Variants in COMMD1 observed in about 807,000 individuals in gnomAD.
COMMD1 encodes COMM domain-containing protein 1.
A neutral mutation model predicts 17.2 loss-of-function variants in COMMD1; 10 were observed. The ratio of observed to expected loss-of-function variants is 0.58; its 90% CI spans 0.36 to 0.99. COMMD1 has a LOEUF of 0.99. COMMD1 is among the 50% of genes least tolerant of loss of function. The pLI is 0.01. For missense variants in COMMD1, 270 were observed against 231.8 expected, an observed-to-expected ratio of 1.17 and a Z score of -1.07; for synonymous variants, 97 against 91.6, an observed-to-expected ratio of 1.06 and a Z score of -0.34.
Position 62,034,088 on chromosome 2 carries a change from C to CAA in COMMD1, c.462+33128_462+33129dup, listed in dbSNP as rs34439318. Among the ~76,000 whole-genome samples, 422 of 61,680 alleles carry CAA rather than the reference C, an allele frequency of 6.8e-3. 4 individuals are homozygous for CAA. Among genetic ancestry groups the CAA allele is most frequent in the African/African-American group, 0.01 (192 of 19,056 alleles). 40.5% of individuals were successfully genotyped at this position (61,680 alleles called of 152,430 possible). A position where few individuals can be genotyped will look rare whatever the true frequency, so the allele number is the denominator to read the frequency against. On this transcript the variant is annotated intron_variant, in intron 2 of 2. Transcript: ENST00000311832. ...TCAGCAACAGAGCAAGACCCTGTCTCAAAAAAAAAAAAAAAAAAAAAAAGA... is the reference window on the plus strand; with the variant it reads ...TCAGCAACAGAGCAAGACCCTGTCTCAAAAAAAAAAAAAAAAAAAAAAAAAGA...
At chr2:61,892,814 A>G (rs1362641166) in intron 1 of COMMD1, among the ~76,000 whole-genome samples, 1 of 151,642 alleles carries the variant, frequency 6.6e-6, no homozygotes, top group South Asian at 2.1e-4. Context: ...GCATTAGTTT[A>G]TTATCGAGAC....
chr2:61,989,970 G>T (rs866026618), intron 1 of COMMD1, among the ~76,000 whole-genome samples: 5 of 152,128 alleles, frequency 3.3e-5, no homozygotes, highest in African/African-American at 1.2e-4. Flanking sequence ...AAAGACCCCC[G>T]TCCCAGATTT....
intron 1 of COMMD1, among the ~76,000 whole-genome samples, chr2:61,914,720 T>G (rs1411760249): frequency 6.6e-6 from 1 of 152,064 alleles, no homozygotes; most frequent in Non-Finnish European, 1.5e-5. Context: ...AAACAGAGTC[T>G]CACTCTGTTG....
chr2:62,128,197 A>G (rs1381610791), intron 2 of COMMD1, among the ~76,000 whole-genome samples: 1 of 151,812 alleles, frequency 6.6e-6, no homozygotes, highest in Non-Finnish European at 1.5e-5. Context: ...GCATGTTGGC[A>G]TGCGCCTGTA....
chr2:61,987,198 G>T (rs887824738), intron 1 of COMMD1, among the ~76,000 whole-genome samples: 7 of 152,070 alleles, frequency 4.6e-5, no homozygotes, highest in African/African-American at 1.7e-4. Context: ...GCTTTATTTA[G>T]TTCATTTTGG....
chr2:62,104,647 A>AC (rs1360886630), intron 2 of COMMD1, among the ~76,000 whole-genome samples: 4 of 151,486 alleles, frequency 2.6e-5, no homozygotes, highest in African/African-American at 7.3e-5. Context: ...AAAAAAAAAA[A>AC]AAAAAAACAA....
intron 2 of COMMD1, among the ~76,000 whole-genome samples, chr2:62,038,380 A>T (rs1670098581): frequency 6.6e-6 from 1 of 152,206 alleles, no homozygotes; most frequent in Admixed American, 6.5e-5. Flanking sequence ...TGTTAATAAT[A>T]GCAGCAATAC....
chr2:61,994,611 G>C (rs1668699216), intron 1 of COMMD1, among the ~76,000 whole-genome samples: 1 of 152,008 alleles, frequency 6.6e-6, no homozygotes, highest in African/African-American at 2.4e-5. Flanking sequence ...ATAGTTGATG[G>C]AATTTTGGGT....
At chr2:62,121,136 G>A (rs1343058676) in intron 2 of COMMD1, among the ~76,000 whole-genome samples, 2 of 151,808 alleles carry the variant, frequency 1.3e-5, no homozygotes, top group African/African-American at 2.4e-5. Context: ...TTGGGAGGCC[G>A]AGGCAGGCAG....
At chr2:61,924,785 C>T (rs77437953) in intron 1 of COMMD1, among the ~76,000 whole-genome samples, 151 of 152,198 alleles carry the variant, frequency 9.9e-4, no homozygotes, top group East Asian at 9.1e-3. Context: ...GATCTCTGAA[C>T]GGAGGCCGAG....
At chr2:62,127,506 A>G (rs1022574625) in intron 2 of COMMD1, among the ~76,000 whole-genome samples, 7 of 152,238 alleles carry the variant, frequency 4.6e-5, no homozygotes, top group East Asian at 1.9e-4. Flanking sequence ...CCAAAACAGC[A>G]TGGTACTGAC....
intron 2 of COMMD1, among the ~76,000 whole-genome samples, chr2:62,080,874 G>A (rs1314154028): frequency 1.3e-5 from 2 of 151,130 alleles, no homozygotes; most frequent in South Asian, 4.2e-4. Flanking sequence ...CCAACTCTCT[G>A]GCTCAACAGA....
At chr2:61,945,024 G>A (rs1469667497) in intron 1 of COMMD1, among the ~76,000 whole-genome samples, 1 of 152,190 alleles carries the variant, frequency 6.6e-6, no homozygotes, top group African/African-American at 2.4e-5. Context: ...TTCAGATTTG[G>A]CCAAGTCGGT....
At chr2:61,945,255 A>G (rs1286742183) in intron 1 of COMMD1, among the ~76,000 whole-genome samples, 2 of 152,196 alleles carry the variant, frequency 1.3e-5, no homozygotes, top group Non-Finnish European at 2.9e-5. Flanking sequence ...AAAAACTCAA[A>G]CTCCAGAAAG....
intron 1 of COMMD1, among the ~76,000 whole-genome samples, chr2:61,897,110 G>A (rs1387923010): frequency 2.6e-5 from 4 of 152,054 alleles, no homozygotes; most frequent in African/African-American, 7.2e-5. Flanking sequence ...GATTACAGGC[G>A]TGAGCCACTG....
intron 2 of COMMD1, among the ~76,000 whole-genome samples, chr2:62,028,117 A>G (rs1189338603): frequency 6.6e-6 from 1 of 152,216 alleles, no homozygotes; most frequent in Non-Finnish European, 1.5e-5. Flanking sequence ...GGAAGAATAG[A>G]GTAGCAACTA....
chr2:62,069,952 C>T (rs900731913), intron 2 of COMMD1: 4 of 152,186 alleles, frequency 2.6e-5, no homozygotes, highest in Admixed American at 6.5e-5. Flanking sequence ...TTAGAATATA[C>T]TGCAATATTT....
chr2:62,116,305 A>G (rs1164494373), intron 2 of COMMD1, among the ~76,000 whole-genome samples: 1 of 152,230 alleles, frequency 6.6e-6, no homozygotes, highest in Non-Finnish European at 1.5e-5. Context: ...TTGGTAAAAA[A>G]GTTGCCAAAC....
intron 2 of COMMD1, among the ~76,000 whole-genome samples, chr2:62,052,832 T>G (rs1670575852): frequency 6.6e-6 from 1 of 152,180 alleles, no homozygotes. Flanking sequence ...CCCATCACTT[T>G]GGGAGGTTAA....
Sources: gnomAD v4.1 joint callset for allele counts (sites outside exome capture counted in the v4.1 genomes callset) on GRCh38, gnomAD v4.1.1 for gene constraint, MANE v1.5 for transcripts, NCBI Gene and HGNC (gene_info 2026-07-23, HGNC 2026-07-21) for gene names.